CCDC63: variants seen among roughly 807,000 people sequenced by gnomAD.
CCDC63 encodes the protein coiled-coil domain containing 63, also known as coiled-coil domain-containing protein 63.
A neutral mutation model predicts 63.6 loss-of-function variants in CCDC63; 54 were observed. That is an observed-to-expected ratio of 0.85 (90% CI 0.68 to 1.07). CCDC63 has a LOEUF of 1.07. Among genes scored for constraint, CCDC63 ranks in the 50% least tolerant of loss-of-function variants. The probability of loss-of-function intolerance (pLI) is 0.00; values close to 1 mark genes in which losing one functional copy is unlikely to be tolerated. For synonymous variants in CCDC63, 253 were observed against 266.1 expected (o/e 0.95, Z 0.48); for missense variants, 637 against 689.6 (o/e 0.92, Z 0.86).
chr12:110,859,341 C>G (rs960586618), intron 4 of CCDC63, among the ~76,000 whole-genome samples: 2 of 151,550 alleles, frequency 1.3e-5, no homozygotes, highest in Non-Finnish European at 1.5e-5. Flanking sequence ...GAGTCTTGCT[C>G]TCTTGCCCAG....
intron 4 of CCDC63, among the ~76,000 whole-genome samples, chr12:110,867,845 A>G (rs1482223283): frequency 6.8e-6 from 1 of 146,714 alleles, no homozygotes; most frequent in Non-Finnish European, 1.5e-5. Context: ...GGCGCCCCTC[A>G]CCTCCCGGAC....
intron 8 of CCDC63, among the ~76,000 whole-genome samples, chr12:110,884,758 T>G (rs1274817160): frequency 6.6e-6 from 1 of 151,852 alleles, no homozygotes; most frequent in African/African-American, 2.4e-5. Context: ...ATGATCTTGG[T>G]TCACTGCAAC....
At chr12:110,867,696 C>T (rs1289507268) in intron 4 of CCDC63, among the ~76,000 whole-genome samples, 8 of 99,666 alleles carry the variant, frequency 8.0e-5, no homozygotes, top group Middle Eastern at 0.012. Flanking sequence ...GCTGGCCGGG[C>T]GGAGGGCTGA....
chr12:110,887,211 T>A (rs994899739), intron 8 of CCDC63, among the ~76,000 whole-genome samples: 1 of 152,072 alleles, frequency 6.6e-6, no homozygotes, highest in Non-Finnish European at 1.5e-5. Flanking sequence ...TACTGCAACC[T>A]CCACCTCCCG....
chr12:110,853,329 C>T (rs1286650897), intron 2 of CCDC63, 76 bp from the exon 3 acceptor site: 5 of 1,438,976 alleles, frequency 3.5e-6, no homozygotes, highest in Non-Finnish European at 4.7e-6. Flanking sequence ...CACTGCCCTT[C>T]ACTCTTAAGC....
At chr12:110,851,564 C>T (rs772832869) in intron 1 of CCDC63, among the ~76,000 whole-genome samples, 2 of 152,138 alleles carry the variant, frequency 1.3e-5, no homozygotes, top group Non-Finnish European at 2.9e-5. Flanking sequence ...CTGATTCTCC[C>T]ATCCAGAGTC....
At chr12:110,876,733 AT>A (rs1838496140) in intron 5 of CCDC63, among the ~76,000 whole-genome samples, 1 of 152,044 alleles carries the variant, frequency 6.6e-6, no homozygotes, top group Non-Finnish European at 1.5e-5. Context: ...TTAAAAAATA[AT>A]TTTATTAAAA....
At chr12:110,870,010 A>G (rs2071042753) in intron 4 of CCDC63, among the ~76,000 whole-genome samples, 1 of 152,210 alleles carries the variant, frequency 6.6e-6, no homozygotes, top group South Asian at 2.1e-4. Flanking sequence ...AACATTGTAC[A>G]TTACCGTGGG....
intron 1 of CCDC63, among the ~76,000 whole-genome samples, chr12:110,850,799 C>G (rs1365006653): frequency 6.6e-6 from 1 of 152,158 alleles, no homozygotes; most frequent in Admixed American, 6.6e-5. Flanking sequence ...TTACAGATCT[C>G]TTTGCTAGCC....
chr12:110,855,712 G>A (rs2070761817), intron 3 of CCDC63, among the ~76,000 whole-genome samples: 1 of 152,124 alleles, frequency 6.6e-6, no homozygotes, highest in South Asian at 2.1e-4. Context: ...CTCCCGAGTA[G>A]CTGGGATTAT....
At chr12:110,904,931 C>A in intron 11 of CCDC63, 140 bp downstream of exon 11, 1 of 585,476 alleles carries the variant, frequency 1.7e-6, no homozygotes. Context: ...TGTGGCCTGC[C>A]AGTTCCCTTG....
chr12:110,865,947 T>C (rs2070941558), intron 4 of CCDC63, among the ~76,000 whole-genome samples: 2 of 151,832 alleles, frequency 1.3e-5, no homozygotes, highest in African/African-American at 4.9e-5. Context: ...CCTTACTTCT[T>C]TGAGCTATGG....
chr12:110,898,489 C>T (rs1027410226), intron 9 of CCDC63, among the ~76,000 whole-genome samples: 3 of 151,046 alleles, frequency 2.0e-5, no homozygotes, highest in Non-Finnish European at 4.4e-5. Context: ...ATGGTGGCAC[C>T]TGCTTGTAAT....
chr12:110,867,190 C>A (rs2070969621), intron 4 of CCDC63, among the ~76,000 whole-genome samples: 1 of 141,330 alleles, frequency 7.1e-6, no homozygotes, highest in Non-Finnish European at 1.6e-5. Flanking sequence ...ACCCCCACCT[C>A]CCTCCCGGAC....
chr12:110,893,117 C>G lies in CCDC63; in HGVS notation c.1116C>G (p.His372Gln), dbSNP rs199829623. The G allele has an allele frequency of 3.1e-6, 5 of 1,614,100 alleles. No homozygotes were observed. The highest frequency in any genetic ancestry group is 4.2e-6 in the Non-Finnish European group (5 of 1,179,990). ...TGCGATCCCAGCAGAAATTGTCCCACGATGACAACCACTCTGTCCTGAGAC... is the reference window on the plus strand; with the variant it reads ...TGCGATCCCAGCAGAAATTGTCCCAGGATGACAACCACTCTGTCCTGAGAC... ...ILLRSQQKLS[H>Q]DDNHSVLRQL... Residue 372 changes from histidine to glutamine, a missense_variant, in exon 9 of 12, where the codon CAC becomes CAG. Transcript: ENST00000308208.
chr12:110,858,573 G>A lies in CCDC63; in HGVS notation c.180-13G>A. The A allele has an allele frequency of 6.2e-7, 1 of 1,603,422 alleles. No homozygotes were observed. Among genetic ancestry groups the A allele is most frequent in the Non-Finnish European group, 8.5e-7 (1 of 1,174,664 alleles). On this transcript the variant is annotated splice_polypyrimidine_tract_variant and intron_variant, in intron 3 of 11. Coordinates refer to ENST00000308208, the MANE Select transcript of CCDC63 (RefSeq NM_152591.3). The stretch of plus-strand genomic sequence containing the variant: ...AGGGGTTTGGGGTTAATCATGGGCT[G>A]CTTTTCCAACAGCAAGGAGATCAAG...
chr12:110,859,314 CTT>C (rs879823491), intron 4 of CCDC63, among the ~76,000 whole-genome samples: 1 of 144,922 alleles, frequency 6.9e-6, no homozygotes, highest in African/African-American at 2.5e-5. Context: ...CATGTCACTT[CTT>C]TTTTTTTTTT....
Position 110,889,487 on chromosome 12 carries a change from G to C in CCDC63, c.1075-3589G>C, listed in dbSNP as rs2071329634. On this transcript the variant is annotated intron_variant, in intron 8 of 11. Coordinates refer to ENST00000308208, the MANE Select transcript of CCDC63 (RefSeq NM_152591.3). The surrounding 1 kb of genome is among the most constrained non-coding windows in gnomAD (Gnocchi z 4.1). Reference sequence around the variant, plus strand: ...TACAGGTGAAGGATTGAGCTGTCCAGATCTCTGGGGAAGAACGCTCCAGGC... The same window carrying C: ...TACAGGTGAAGGATTGAGCTGTCCACATCTCTGGGGAAGAACGCTCCAGGC... Among the ~76,000 whole-genome samples the C allele has an allele frequency of 6.6e-6, 1 of 152,168 alleles. No individual in the cohort carries two copies. Among genetic ancestry groups the C allele is most frequent in the Admixed American group, 6.6e-5 (1 of 15,262 alleles).
At position 110,904,614 on chromosome 12, in the gene CCDC63, C is replaced by G. The variant is rs375870661; in HGVS notation, c.1369C>G (p.Leu457Val). Residue 457 changes from leucine (L) to valine (V), a missense_variant, in exon 11 of 12, where the codon CTG becomes GTG. Physicochemically the swap from Leu to Val is conservative, Grantham distance 32. Transcript: ENST00000308208. ...FAIIEKKTNDLLLLETYRRIL... is the reference protein window; with the variant it reads ...FAIIEKKTNDVLLLETYRRIL... ...CATCATTGAAAAGAAGACCAACGACCTGCTGCTGTTGGAGACCTACAGGCG... is the reference window on the plus strand; with the variant it reads ...CATCATTGAAAAGAAGACCAACGACGTGCTGCTGTTGGAGACCTACAGGCG... 8.7e-6 allele frequency: 14 copies of G among 1,613,938 alleles called. No homozygotes were observed. In the African/African-American group the frequency reaches 1.9e-4, roughly 22 times the overall value.
Sources: allele counts gnomAD v4.1 joint callset (sites outside exome capture counted in the v4.1 genomes callset), GRCh38; gene constraint gnomAD v4.1.1; non-coding constraint Gnocchi (gnomAD v3.1); transcripts MANE v1.5; gene names NCBI Gene and HGNC (gene_info 2026-07-23, HGNC 2026-07-21).